Variants in RBFOX3 observed in about 807,000 individuals in gnomAD.
RBFOX3 encodes RNA binding fox-1 homolog 3, also known as RNA binding protein fox-1 homolog 3.
Under a neutral mutation model 48.7 loss-of-function variants are expected in RBFOX3, and 17 were observed. The observed-to-expected ratio is 0.35, with a 90% CI of 0.24 to 0.52. The LOEUF (loss-of-function observed/expected upper bound fraction) is 0.52, where lower values mean the gene tolerates loss of function less well. Among genes scored for constraint, RBFOX3 ranks in the 20% least tolerant of loss-of-function variants. The pLI, the probability that RBFOX3 is intolerant of heterozygous loss-of-function variation, is 0.94. For synonymous variants in RBFOX3, 212 were observed against 209.5 expected (o/e 1.01, Z -0.10); for missense variants, 382 against 497.5 (o/e 0.77, Z 2.21).
chr17:79,423,521 G>A lies in RBFOX3; in HGVS notation c.-175+58933C>T, dbSNP rs1304887745. ...AAGTCACATCCTGCCAGCGCTGCCGGTACCCAGCACCTGGGGTTCTCCGCT... is the reference window on the plus strand; with the variant it reads ...AAGTCACATCCTGCCAGCGCTGCCGATACCCAGCACCTGGGGTTCTCCGCT... On this transcript the variant is annotated intron_variant, in intron 2 of 14. Coordinates refer to ENST00000693108, the MANE Select transcript of RBFOX3 (RefSeq NM_001350451.2). The surrounding 1 kb of genome is among the most constrained non-coding windows in gnomAD (Gnocchi z 4.9). Among the ~76,000 whole-genome samples the A allele has an allele frequency of 6.6e-6, 1 of 152,022 alleles. No individual in the cohort carries two copies. The highest frequency in any genetic ancestry group is 1.5e-5 in the Non-Finnish European group (1 of 68,006).
chr17:79,115,167 G>A (rs1364047042), intron 5 of RBFOX3, among the ~76,000 whole-genome samples: 2 of 152,240 alleles, frequency 1.3e-5, no homozygotes, highest in South Asian at 2.1e-4. Context: ...GCTGGGGTGA[G>A]TGTTTGCTCG....
intron 2 of RBFOX3, among the ~76,000 whole-genome samples, chr17:79,416,890 C>T (rs1160738058): frequency 4.6e-5 from 7 of 152,372 alleles, no homozygotes; most frequent in African/African-American, 1.4e-4. Context: ...GCGGCTCTCC[C>T]TCCTGCTGGC....
intron 2 of RBFOX3, among the ~76,000 whole-genome samples, chr17:79,412,616 ATGTG>A (rs956128492): frequency 6.8e-6 from 1 of 147,786 alleles, no homozygotes; most frequent in African/African-American, 2.5e-5. Context: ...GCATGGTGTT[ATGTG>A]TGTGTGAATG....
At chr17:79,327,455 T>A (rs972434669) in intron 2 of RBFOX3, among the ~76,000 whole-genome samples, 3 of 152,214 alleles carry the variant, frequency 2.0e-5, no homozygotes, top group African/African-American at 7.2e-5. Context: ...GCCTGAGCGA[T>A]GGTGTCCAGC....
At chr17:79,656,658 A>AGGAAG in the RBFOX3 span, among the ~76,000 whole-genome samples, 2 of 144,498 alleles carry the variant, frequency 1.4e-5, no homozygotes, top group African/African-American at 5.4e-5. Context: ...AAAGAAAGGA[A>AGGAAG]GAGAAGAAAG....
At chr17:79,444,051 C>T (rs1555736600) in intron 2 of RBFOX3, among the ~76,000 whole-genome samples, 1 of 152,184 alleles carries the variant, frequency 6.6e-6, no homozygotes, top group Non-Finnish European at 1.5e-5. Context: ...AGGCCCTGCT[C>T]ACAAATGCAC....
chr17:79,132,138 C>A lies in RBFOX3; in HGVS notation c.-33-16390G>T, dbSNP rs574126580. ...AGGTGAGTTCACCTCGATGGTCAAT[C>A]AGACGGACGGAAACACCAACAGTTC... is the stretch of plus-strand genomic sequence containing the variant. On this transcript the variant is annotated intron_variant, in intron 4 of 14. Coordinates refer to ENST00000693108, the MANE Select transcript of RBFOX3 (RefSeq NM_001350451.2). Among the ~76,000 whole-genome samples the A allele has an allele frequency of 3.3e-4, 50 of 151,966 alleles. 1 individual carries two copies. Among genetic ancestry groups the A allele is most frequent in the Admixed American group, 3.3e-3 (50 of 15,264 alleles).
chr17:79,614,272 C>T (rs1232893508), upstream of RBFOX3, among the ~76,000 whole-genome samples: 1 of 152,254 alleles, frequency 6.6e-6, no homozygotes, highest in African/African-American at 2.4e-5. Context: ...CCAGACACTG[C>T]GGACAGAGGG....
intron 4 of RBFOX3, among the ~76,000 whole-genome samples, chr17:79,174,792 A>G (rs1293206861): frequency 1.3e-5 from 2 of 152,262 alleles, no homozygotes; most frequent in Non-Finnish European, 2.9e-5. Context: ...AGGGCCCGGC[A>G]CAGTGAGGAG....
intron 2 of RBFOX3, among the ~76,000 whole-genome samples, chr17:79,359,129 T>C (rs1272095414): frequency 1.3e-5 from 2 of 152,208 alleles, no homozygotes; most frequent in Non-Finnish European, 2.9e-5. Flanking sequence ...GGAAGTAAGA[T>C]TCAAATGGGT....
At chr17:79,511,667 C>G (rs1222361070) in intron 1 of RBFOX3, among the ~76,000 whole-genome samples, 2 of 146,810 alleles carry the variant, frequency 1.4e-5, no homozygotes, top group African/African-American at 5.1e-5. Context: ...CAGGGGACAC[C>G]CACCCGGATA....
At chr17:79,616,090 G>T in the RBFOX3 span, among the ~76,000 whole-genome samples, 4 of 152,294 alleles carry the variant, frequency 2.6e-5, no homozygotes, top group East Asian at 7.7e-4. Context: ...TTTCCTTGCT[G>T]GTCTTTGACG....
the RBFOX3 span, among the ~76,000 whole-genome samples, chr17:79,619,784 A>G: frequency 6.6e-6 from 1 of 152,072 alleles, no homozygotes; most frequent in African/African-American, 2.4e-5. Context: ...CTCCAGGGAC[A>G]AGCCATTCAC....
In RBFOX3 at chr17:79,473,047, T is replaced by C. The variant is rs951365606; in HGVS notation, c.-175+9407A>G. Among the ~76,000 whole-genome samples, 10 of 151,928 alleles carry C rather than the reference T, an allele frequency of 6.6e-5. No individual in the cohort carries two copies. Among genetic ancestry groups the C allele is most frequent in the Non-Finnish European group, 1.5e-4 (10 of 67,970 alleles). On this transcript the variant is annotated intron_variant, in intron 2 of 14. Coordinates refer to ENST00000693108, the MANE Select transcript of RBFOX3 (RefSeq NM_001350451.2). This position sits in a 1 kb window ranked among gnomAD's most constrained non-coding sequence, Gnocchi z 4.2. ...TTACTTTTGGTTTTTAGAAAACCTA[T>C]AAAAATAGAATCACTAGAAAAATGG...
At chr17:79,209,439 C>G (rs1287458569) in intron 4 of RBFOX3, among the ~76,000 whole-genome samples, 1 of 152,208 alleles carries the variant, frequency 6.6e-6, no homozygotes, top group Non-Finnish European at 1.5e-5. Context: ...CCCATTGAAC[C>G]AAACGGAACT....
intron 1 of RBFOX3, among the ~76,000 whole-genome samples, chr17:79,529,539 G>A (rs1197528874): frequency 2.6e-5 from 4 of 152,170 alleles, no homozygotes; most frequent in African/African-American, 7.2e-5. Context: ...ATGGCACCCC[G>A]GGAGGGAGGT....
intron 2 of RBFOX3, among the ~76,000 whole-genome samples, chr17:79,411,366 TACCCCAAGCAGCCAG>T (rs1327791550): frequency 5.9e-5 from 9 of 152,102 alleles, no homozygotes; most frequent in Non-Finnish European, 1.3e-4. Flanking sequence ...TACCTGCAGT[TACCCCAAGCAGCCAG>T]GTTGTCTCGG....
At chr17:79,215,579 G>T (rs768072480) in intron 4 of RBFOX3, among the ~76,000 whole-genome samples, 1 of 152,230 alleles carries the variant, frequency 6.6e-6, no homozygotes, top group African/African-American at 2.4e-5. Context: ...CTCACAGTCA[G>T]CTGGTGCCCT....
the RBFOX3 span, among the ~76,000 whole-genome samples, chr17:79,630,764 C>T: frequency 1.3e-5 from 2 of 152,146 alleles, no homozygotes; most frequent in African/African-American, 2.4e-5. Flanking sequence ...GCACTAGGCA[C>T]CTAACGTGTA....
Sources: gnomAD v4.1 joint callset for allele counts (sites outside exome capture counted in the v4.1 genomes callset) on GRCh38, gnomAD v4.1.1 for gene constraint, Gnocchi (gnomAD v3.1) non-coding constraint, MANE v1.5 for transcripts, NCBI Gene and HGNC (gene_info 2026-07-23, HGNC 2026-07-21) for gene names.